The following PDS5A variants were observed in gnomAD, a reference collection of about 807,000 sequenced individuals.
PDS5A encodes PDS5 cohesin associated factor A.
PDS5A carries 42 observed loss-of-function variants against 167.1 expected under a neutral mutation model. The observed-to-expected ratio is 0.25, with a 90% confidence interval of 0.20 to 0.33. PDS5A has a LOEUF of 0.33. PDS5A is among the 10% of genes least tolerant of loss of function. The pLI is 1.00. For synonymous variants in PDS5A, 553 were observed against 554.6 expected (o/e 1.00, Z 0.04); for missense variants, 1,033 against 1,605.9 (o/e 0.64, Z 6.10).
chr4:39,920,121 C>A (rs776695007), intron 7 of PDS5A, among the ~76,000 whole-genome samples, 198 bp downstream of exon 7: 1 of 151,948 alleles, frequency 6.6e-6, no homozygotes, highest in Non-Finnish European at 1.5e-5. Context: ...GAGTTGCAGA[C>A]GACTTTTCTT....
At chr4:39,881,652 C>G (rs1387993379) in intron 17 of PDS5A, among the ~76,000 whole-genome samples, 2 of 152,136 alleles carry the variant, frequency 1.3e-5, no homozygotes, top group Non-Finnish European at 2.9e-5. Flanking sequence ...CATCCCATCA[C>G]TATCCTAAGT....
chr4:39,918,772 G>C (rs534975459), intron 7 of PDS5A, among the ~76,000 whole-genome samples: 11 of 152,248 alleles, frequency 7.2e-5, no homozygotes, highest in African/African-American at 2.6e-4. Context: ...AGAATCGCTT[G>C]AGCCTGGGAG....
At chr4:39,920,478 C>G in intron 6 of PDS5A, 79 bp from the exon 7 acceptor site, 1 of 598,284 alleles carries the variant, frequency 1.7e-6, no homozygotes, top group Non-Finnish European at 3.0e-6. Flanking sequence ...CTGTAGTCTT[C>G]AAATCTGTAA....
At chr4:39,954,178 G>A (rs564114126) in intron 2 of PDS5A, among the ~76,000 whole-genome samples, 12 of 139,194 alleles carry the variant, frequency 8.6e-5, no homozygotes, top group South Asian at 5.0e-4. Flanking sequence ...CTATCTCTAC[G>A]GAGAAAAAAA....
chr4:39,826,113 A>G (rs1396254029), intron 32 of PDS5A, among the ~76,000 whole-genome samples: 1 of 152,126 alleles, frequency 6.6e-6, no homozygotes, highest in Non-Finnish European at 1.5e-5. Flanking sequence ...GCAGCAAAAT[A>G]ACTTCTGACT....
At chr4:39,868,700 G>A (rs1415328530) in intron 22 of PDS5A, 1 of 453,992 alleles carries the variant, frequency 2.2e-6, no homozygotes, top group African/African-American at 2.0e-5. Context: ...TGAACTCTTG[G>A]GCTCAAGCGA....
At chr4:39,854,545 G>A (rs1209353430) in intron 26 of PDS5A, among the ~76,000 whole-genome samples, 1 of 152,058 alleles carries the variant, frequency 6.6e-6, no homozygotes, top group African/African-American at 2.4e-5. Flanking sequence ...ACTATTAGAA[G>A]TTCTGCTCTA....
At chr4:39,900,358 C>A in intron 14 of PDS5A, 68 bp downstream of exon 14, 2 of 947,656 alleles carry the variant, frequency 2.1e-6, no homozygotes, top group South Asian at 1.4e-5. Context: ...TGCTTCATTA[C>A]GTAGAACTAC....
At chr4:39,867,755 C>T (rs1719639504) in intron 22 of PDS5A, among the ~76,000 whole-genome samples, 1 of 149,556 alleles carries the variant, frequency 6.7e-6, no homozygotes, top group Admixed American at 6.7e-5. Context: ...CACACACACA[C>T]ACACACACAC....
chr4:39,828,103 A>G (rs149293972), intron 32 of PDS5A, among the ~76,000 whole-genome samples: 355 of 152,280 alleles, frequency 2.3e-3, no homozygotes, highest in African/African-American at 8.3e-3. Context: ...CACACTGCAA[A>G]TGGCTGATTT....
chr4:39,957,749 T>C (rs914701838), intron 2 of PDS5A, among the ~76,000 whole-genome samples: 4 of 137,432 alleles, frequency 2.9e-5, no homozygotes, highest in Non-Finnish European at 6.0e-5. Context: ...ACTGTACCAC[T>C]GCACTCCAGC....
chr4:39,967,962 A>G (rs1324657207), intron 2 of PDS5A, among the ~76,000 whole-genome samples: 1 of 152,102 alleles, frequency 6.6e-6, no homozygotes, highest in African/African-American at 2.4e-5. Flanking sequence ...ATAATTATCA[A>G]GGCCCTCTTA....
intron 9 of PDS5A, among the ~76,000 whole-genome samples, chr4:39,913,104 T>C (rs1397528136): frequency 7.2e-6 from 1 of 138,200 alleles, no homozygotes; most frequent in East Asian, 2.1e-4. Context: ...TTTTTTTTTT[T>C]AGACAGAGTC....
At chr4:39,851,533 C>T (rs527865013) in intron 26 of PDS5A, among the ~76,000 whole-genome samples, 75 of 152,288 alleles carry the variant, frequency 4.9e-4, no homozygotes, top group African/African-American at 1.8e-3. Flanking sequence ...AGCAATCTAC[C>T]TGCCTTGGCC....
chr4:39,831,668 G>A (rs1025009497), intron 32 of PDS5A, among the ~76,000 whole-genome samples: 2 of 150,888 alleles, frequency 1.3e-5, no homozygotes, highest in Non-Finnish European at 3.0e-5. Context: ...ACCTGAGGTC[G>A]GGAGTTCAAG....
At chr4:39,826,824 GTC>G (rs1469516370) in intron 32 of PDS5A, among the ~76,000 whole-genome samples, 4 of 151,966 alleles carry the variant, frequency 2.6e-5, no homozygotes, top group Admixed American at 6.6e-5. Context: ...TAGTAAGACT[GTC>G]TCCTTTTCCA....
At chr4:39,976,652 G>T in intron 1 of PDS5A, 35 bp from the exon 2 acceptor site, 3 of 1,132,228 alleles carry the variant, frequency 2.6e-6, no homozygotes, top group Non-Finnish European at 3.8e-6. Context: ...AGCGGGAAAG[G>T]GGCGACTTTG....
In PDS5A at chr4:39,970,438, T is replaced by C. The variant is rs2109825004; in HGVS notation, c.138+6002A>G. Among the ~76,000 whole-genome samples the C allele has an allele frequency of 1.7e-5, 2 of 117,612 alleles. 1 individual carries two copies. The highest frequency in any genetic ancestry group is 6.6e-4 in the South Asian group (2 of 3,012). 77.2% of individuals were successfully genotyped at this position (117,612 alleles called of 152,430 possible). ...AAGCTTCACAATAGTTTCTCTCAAATGCTTAAAAAAAAAAAAAAAGCTGTC... is the reference window on the plus strand; with the variant it reads ...AAGCTTCACAATAGTTTCTCTCAAACGCTTAAAAAAAAAAAAAAAGCTGTC... On this transcript the variant is annotated intron_variant, in intron 2 of 32. Coordinates refer to ENST00000303538, the MANE Select transcript of PDS5A (RefSeq NM_001100399.2).
At chr4:39,912,726 A>T (rs540148375) in intron 9 of PDS5A, among the ~76,000 whole-genome samples, 2 of 152,368 alleles carry the variant, frequency 1.3e-5, no homozygotes, top group South Asian at 4.1e-4. Context: ...AAAGCAAAAC[A>T]GGTAAATGGA....
Sources: allele counts gnomAD v4.1 joint callset (sites outside exome capture counted in the v4.1 genomes callset), GRCh38; gene constraint gnomAD v4.1.1; transcripts MANE v1.5; gene names NCBI Gene and HGNC (gene_info 2026-07-23, HGNC 2026-07-21).